Variants in GALNT13 observed in about 807,000 individuals in gnomAD.
The protein encoded by GALNT13 is polypeptide N-acetylgalactosaminyltransferase 13.
Under a neutral mutation model 64.2 loss-of-function variants are expected in GALNT13, and 28 were observed. The ratio of observed to expected loss-of-function variants is 0.44; its 90% CI spans 0.32 to 0.60. GALNT13 has a LOEUF of 0.60. Ranked by LOEUF, GALNT13 falls within the 20% of genes least tolerant of loss-of-function variation. The pLI is 0.05. For missense variants in GALNT13, 577 were observed against 669.8 expected (o/e 0.86, Z 1.53); for synonymous variants, 214 against 224.6 (o/e 0.95, Z 0.42).
At chr2:153,956,558 T>A (rs1012206363) in intron 3 of GALNT13, among the ~76,000 whole-genome samples, 10 of 152,168 alleles carry the variant, frequency 6.6e-5, no homozygotes, top group African/African-American at 2.2e-4. Flanking sequence ...GAATTTACTA[T>A]ACGAGATCCC....
intron 3 of GALNT13, among the ~76,000 whole-genome samples, chr2:154,111,133 G>T (rs10179983): frequency 0.76 from 114,898 of 152,088 alleles, 43,775 homozygotes; most frequent in East Asian, 0.96. Context: ...GTGTTCGTAG[G>T]TGGTATTGAT....
chr2:154,357,260 G>A lies in GALNT13; in HGVS notation c.1157-38731G>A, dbSNP rs563045479. Among the ~76,000 whole-genome samples, 4 of 152,112 alleles carry A rather than the reference G, an allele frequency of 2.6e-5. No individual in the cohort carries two copies. The East Asian group carries it at 5.8e-4, about 22-fold the overall frequency. On this transcript the variant is annotated intron_variant, in intron 9 of 12. Coordinates refer to ENST00000392825, the MANE Select transcript of GALNT13 (RefSeq NM_052917.4). ...TCAAAAATTCTTTGTAGCACTCTTG[G>A]ATGACTTATTTGGGGCAATATGTAT...
the GALNT13 span, among the ~76,000 whole-genome samples, chr2:153,258,882 T>G: frequency 6.6e-6 from 1 of 152,210 alleles, no homozygotes; most frequent in Non-Finnish European, 1.5e-5. Flanking sequence ...GGTCTATCCT[T>G]GAGAATAATG....
At chr2:154,161,324 A>G (rs1048014692) in intron 4 of GALNT13, among the ~76,000 whole-genome samples, 42 of 152,166 alleles carry the variant, frequency 2.8e-4, no homozygotes, top group African/African-American at 1.0e-3. Flanking sequence ...CATTTAAGAG[A>G]TCTAAAAGTT....
chr2:154,274,639 T>G (rs2105928216), intron 8 of GALNT13, among the ~76,000 whole-genome samples: 1 of 152,244 alleles, frequency 6.6e-6, no homozygotes, highest in East Asian at 1.9e-4. Context: ...ATTATAAGTT[T>G]CCTGAAGCCT....
chr2:153,701,523 A>G, the GALNT13 span, among the ~76,000 whole-genome samples: 1 of 152,226 alleles, frequency 6.6e-6, no homozygotes, highest in Admixed American at 6.5e-5. Context: ...GAGCTTCTGC[A>G]CAGCAAAAGA....
the GALNT13 span, among the ~76,000 whole-genome samples, chr2:153,257,089 C>G: frequency 6.6e-6 from 1 of 152,322 alleles, no homozygotes; most frequent in Admixed American, 6.5e-5. Context: ...GACTGCTGTG[C>G]TAGCAATCAG....
At chr2:153,759,582 A>C in the GALNT13 span, among the ~76,000 whole-genome samples, 1 of 152,084 alleles carries the variant, frequency 6.6e-6, no homozygotes, top group Non-Finnish European at 1.5e-5. Flanking sequence ...TTTGCCCTTC[A>C]TTCTATTAAT....
chr2:153,234,890 C>A, the GALNT13 span, among the ~76,000 whole-genome samples: 1 of 152,162 alleles, frequency 6.6e-6, no homozygotes, highest in Non-Finnish European at 1.5e-5. Context: ...CAGGCATATG[C>A]CATTTTATTG....
At chr2:154,313,246 G>GTA (rs546770798) in intron 9 of GALNT13, among the ~76,000 whole-genome samples, 1,789 of 143,620 alleles carry the variant, frequency 0.012, 26 homozygotes, top group African/African-American at 0.039. Context: ...TTATGCATAT[G>GTA]TATATATATA....
the GALNT13 span, among the ~76,000 whole-genome samples, chr2:153,694,819 T>TTA: frequency 2.1e-4 from 32 of 152,304 alleles, no homozygotes; most frequent in Admixed American, 1.2e-3. Context: ...TCTAAGATAC[T>TTA]ATGTCCGGAC....
the GALNT13 span, among the ~76,000 whole-genome samples, chr2:153,470,859 T>G: frequency 6.6e-6 from 1 of 152,156 alleles, no homozygotes; most frequent in African/African-American, 2.4e-5. Flanking sequence ...TTGATCTTCT[T>G]AATTATTCAG....
chr2:154,267,904 TG>T (rs1484182442), intron 8 of GALNT13, among the ~76,000 whole-genome samples: 2 of 152,072 alleles, frequency 1.3e-5, no homozygotes, highest in East Asian at 3.9e-4. Context: ...CAGCAGTTAG[TG>T]GGGAAATGAA....
chr2:153,292,957 G>A, the GALNT13 span, among the ~76,000 whole-genome samples: 1 of 152,092 alleles, frequency 6.6e-6, no homozygotes, highest in Non-Finnish European at 1.5e-5. Context: ...CCTAGGTGAA[G>A]TAGATGGAGT....
chr2:154,133,574 ATATATATATATC>A (rs1682769536), intron 3 of GALNT13, among the ~76,000 whole-genome samples: 1 of 99,084 alleles, frequency 1.0e-5, no homozygotes, highest in African/African-American at 4.0e-5. Flanking sequence ...ATATATATAT[ATATATATATATC>A]TGAGATGGGG....
At chr2:154,284,345 G>C (rs1692136220) in intron 8 of GALNT13, among the ~76,000 whole-genome samples, 1 of 151,940 alleles carries the variant, frequency 6.6e-6, no homozygotes, top group African/African-American at 2.4e-5. Flanking sequence ...CCTCATGTAA[G>C]TGAATTTATA....
chr2:153,559,357 A>G, the GALNT13 span, among the ~76,000 whole-genome samples: 35 of 152,224 alleles, frequency 2.3e-4, no homozygotes, highest in East Asian at 4.4e-3. Flanking sequence ...ATTTTTCACC[A>G]TGCCACAGTT....
At chr2:154,360,961 A>C (rs2105284595) in intron 9 of GALNT13, among the ~76,000 whole-genome samples, 1 of 152,140 alleles carries the variant, frequency 6.6e-6, no homozygotes, top group Non-Finnish European at 1.5e-5. Context: ...TTGGTTAAAA[A>C]CCTAGGAAAT....
chr2:153,542,430 T>C, the GALNT13 span, among the ~76,000 whole-genome samples: 3,114 of 151,880 alleles, frequency 0.021, 105 homozygotes, highest in African/African-American at 0.071. Context: ...GATTTAAGTA[T>C]AGAATGGGTC....
Sources: allele counts gnomAD v4.1 joint callset (sites outside exome capture counted in the v4.1 genomes callset), GRCh38; gene constraint gnomAD v4.1.1; transcripts MANE v1.5; gene names NCBI Gene and HGNC (gene_info 2026-07-23, HGNC 2026-07-21).